TYW1: variants seen among roughly 807,000 people sequenced by gnomAD.
TYW1 encodes the protein S-adenosyl-L-methionine-dependent tRNA 4-demethylwyosine synthase TYW1.
A neutral mutation model predicts 96.2 loss-of-function variants in TYW1; 46 were observed. The ratio of observed to expected loss-of-function variants is 0.48; its 90% CI spans 0.38 to 0.61. The LOEUF (loss-of-function observed/expected upper bound fraction) is 0.61. Among genes scored for constraint, TYW1 ranks in the 20% least tolerant of loss-of-function variants. The pLI is 0.00. For synonymous variants in TYW1, 274 were observed against 323.0 expected (o/e 0.85, Z 1.63); for missense variants, 684 against 909.6 (o/e 0.75, Z 3.19).
At chr7:67,064,335 T>C (rs1170721304) in intron 9 of TYW1, among the ~76,000 whole-genome samples, 3 of 152,238 alleles carry the variant, frequency 2.0e-5, no homozygotes, top group Non-Finnish European at 4.4e-5. Flanking sequence ...GTGGTACTAC[T>C]GGTAGAGAGA....
chr7:67,065,829 G>A (rs1004958980), intron 9 of TYW1, among the ~76,000 whole-genome samples: 1 of 151,878 alleles, frequency 6.6e-6, no homozygotes, highest in Admixed American at 6.6e-5. Context: ...TGACCAATAT[G>A]GTAAAACCCT....
chr7:67,222,203 A>G (rs979312564), intron 15 of TYW1, among the ~76,000 whole-genome samples: 23 of 152,224 alleles, frequency 1.5e-4, no homozygotes, highest in Admixed American at 2.6e-4. Flanking sequence ...TCTCAAAAAA[A>G]TAAAAAGAAA....
At chr7:67,206,178 G>A (rs748841444) in intron 15 of TYW1, among the ~76,000 whole-genome samples, 7 of 152,134 alleles carry the variant, frequency 4.6e-5, no homozygotes, top group Admixed American at 6.5e-5. Flanking sequence ...TTATTTAATT[G>A]AAAGGTGTCG....
chr7:67,176,380 T>G (rs1799670675), intron 13 of TYW1, among the ~76,000 whole-genome samples: 1 of 152,216 alleles, frequency 6.6e-6, no homozygotes, highest in African/African-American at 2.4e-5. Flanking sequence ...CATTGAGTAC[T>G]TGAAACGTGG....
At chr7:66,998,691 G>A in intron 2 of TYW1, 126 bp from the exon 3 acceptor site, 2 of 1,154,772 alleles carry the variant, frequency 1.7e-6, no homozygotes, top group Non-Finnish European at 2.4e-6. Flanking sequence ...AAGATTAAGA[G>A]AAAAATACAG....
intron 15 of TYW1, among the ~76,000 whole-genome samples, chr7:67,204,564 C>CT (rs34252014): frequency 0.26 from 36,540 of 139,018 alleles, 4,741 homozygotes; most frequent in African/African-American, 0.31. Flanking sequence ...CTTCTTCTTT[C>CT]TTCTTCCTTC....
chr7:67,132,195 T>C (rs1333781952), intron 13 of TYW1, among the ~76,000 whole-genome samples: 1 of 149,384 alleles, frequency 6.7e-6, no homozygotes, highest in East Asian at 1.9e-4. Context: ...ACCACAGCCT[T>C]GAACTCCTGG....
At chr7:67,140,368 A>C (rs1798409515) in intron 13 of TYW1, among the ~76,000 whole-genome samples, 1 of 145,770 alleles carries the variant, frequency 6.9e-6, no homozygotes, top group South Asian at 2.3e-4. Context: ...GAGATTGAAT[A>C]ATTCTGAAAA....
At chr7:67,003,292 G>A (rs1009771154) in intron 3 of TYW1, among the ~76,000 whole-genome samples, 1 of 152,068 alleles carries the variant, frequency 6.6e-6, no homozygotes, top group African/African-American at 2.4e-5. Context: ...AACACCTTTT[G>A]ACTTCTTTTT....
At chr7:67,061,153 G>A (rs965558609) in intron 9 of TYW1, among the ~76,000 whole-genome samples, 1 of 152,232 alleles carries the variant, frequency 6.6e-6, no homozygotes, top group East Asian at 1.9e-4. Flanking sequence ...ATTTGAACCC[G>A]GGAGGTGGAG....
chr7:67,167,410 A>G (rs1799372079), intron 13 of TYW1, among the ~76,000 whole-genome samples: 1 of 140,938 alleles, frequency 7.1e-6, no homozygotes, highest in African/African-American at 2.6e-5. Flanking sequence ...CAGAGGTTGC[A>G]GTGAGCCGAG....
intron 13 of TYW1, among the ~76,000 whole-genome samples, chr7:67,127,690 A>G (rs1401930183): frequency 3.3e-5 from 5 of 152,126 alleles, no homozygotes; most frequent in Non-Finnish European, 5.9e-5. Flanking sequence ...TCTGACCTGT[A>G]TCATTTTCCT....
rs1169997482 is a variant in TYW1, at chr7:67,036,087, C to T, written c.984+11065C>T. 1.9e-4 allele frequency among the ~76,000 whole-genome samples: 28 copies of T among 146,888 alleles called. 1 individual carries two copies. Among genetic ancestry groups the T allele is most frequent in the Admixed American group, 9.8e-4 (14 of 14,252 alleles). Reference sequence around the variant, plus strand: ...TTAGCATCAGTCTTTAATGCTGTCGCGCTGCATCGACAACTCACACACTTT... The same window carrying T: ...TTAGCATCAGTCTTTAATGCTGTCGTGCTGCATCGACAACTCACACACTTT... On this transcript the variant is annotated intron_variant, in intron 7 of 15. Transcript: ENST00000359626.
chr7:66,999,970 C>T (rs567349791), intron 3 of TYW1, among the ~76,000 whole-genome samples: 2 of 152,002 alleles, frequency 1.3e-5, no homozygotes, highest in Admixed American at 6.6e-5. Context: ...GGGTCTCTCT[C>T]TGTTGCCCAG....
intron 5 of TYW1, among the ~76,000 whole-genome samples, chr7:67,016,980 A>ATTTTTTTTTTTTTTTTTTTTTTTTTTTTT (rs35358824): frequency 8.2e-6 from 1 of 121,766 alleles, no homozygotes; most frequent in Non-Finnish European, 1.7e-5. Flanking sequence ...AGATATGTAA[A>ATTTTTTTTTTTTTTTTTTTTTTTTTTTTT]TTTTTTTTTT....
chr7:67,224,736 A>G (rs1439123266), intron 15 of TYW1, among the ~76,000 whole-genome samples: 1 of 152,196 alleles, frequency 6.6e-6, no homozygotes, highest in African/African-American at 2.4e-5. Flanking sequence ...GTCATTCCTT[A>G]GTTTCGGAGT....
chr7:67,192,181 C>T lies in TYW1; in HGVS notation c.1810-2989C>T, dbSNP rs2690175. On this transcript the variant is annotated intron_variant, in intron 14 of 15. Coordinates refer to ENST00000359626, the MANE Select transcript of TYW1 (RefSeq NM_018264.4). ...AAAGAGCTGGGATTACAGGCATGAG[C>T]CACCGTGCCTAGCCTCCTCAAAGGG... Among the ~76,000 whole-genome samples the T allele has an allele frequency of 3.6e-4, 55 of 152,248 alleles. 1 individual carries two copies. The highest frequency in any genetic ancestry group is 1.5e-4 in the Non-Finnish European group (10 of 68,018).
intron 13 of TYW1, among the ~76,000 whole-genome samples, chr7:67,161,844 C>G (rs12154414): frequency 0.28 from 42,586 of 151,806 alleles, 6,484 homozygotes; most frequent in African/African-American, 0.4. Context: ...ATAAAGTAGA[C>G]TGCTGTACCC....
intron 13 of TYW1, among the ~76,000 whole-genome samples, chr7:67,144,875 C>G (rs1326506523): frequency 6.6e-6 from 1 of 151,894 alleles, no homozygotes; most frequent in Non-Finnish European, 1.5e-5. Flanking sequence ...TTTCCAAAAA[C>G]TAATACAGCA....
Sources: gnomAD v4.1 joint callset for allele counts (sites outside exome capture counted in the v4.1 genomes callset) on GRCh38, gnomAD v4.1.1 for gene constraint, MANE v1.5 for transcripts, NCBI Gene and HGNC (gene_info 2026-07-23, HGNC 2026-07-21) for gene names.